Variants in KPNB1 observed in about 807,000 individuals in gnomAD.
KPNB1 encodes the protein karyopherin subunit beta 1.
Under a neutral mutation model 113.0 loss-of-function variants are expected in KPNB1, and 7 were observed. That is an observed-to-expected ratio of 0.06 (90% CI 0.04 to 0.12). KPNB1 has a LOEUF of 0.12. Ranked by LOEUF, KPNB1 falls within the 10% of genes least tolerant of loss-of-function variation. The pLI, the probability that KPNB1 is intolerant of heterozygous loss-of-function variation, is 1.00. For synonymous variants in KPNB1, 363 were observed against 378.6 expected, an observed-to-expected ratio of 0.96 and a Z score of 0.48; for missense variants, 400 against 1,054.8, an observed-to-expected ratio of 0.38 and a Z score of 8.60.
At chr17:47,659,346 C>CA (rs1169238660) in intron 5 of KPNB1, among the ~76,000 whole-genome samples, 5 of 150,254 alleles carry the variant, frequency 3.3e-5, no homozygotes, top group African/African-American at 4.9e-5. Context: ...AAGACTGTCT[C>CA]AAAAAAAATA....
chr17:47,676,566 C>CTTAT lies in KPNB1; in HGVS notation c.1995+76_1995+79dup, dbSNP rs3840883. The CTTAT allele has an allele frequency of 4.0e-5, 44 of 1,108,710 alleles. No homozygotes were observed. In the East Asian group the frequency reaches 1.0e-3, roughly 26 times the overall value. The allele number at this position is 1,108,710 out of a possible 1,614,324, so 68.7% of individuals were successfully genotyped here. On this transcript the variant is annotated intron_variant, in intron 16 of 21. Transcript: ENST00000290158. The stretch of plus-strand genomic sequence containing the variant: ...ACTGTAGTGCACGCAAAACCAGGTT[C>CTTAT]TTATAGCTTAAGTAGTTTTTCCTGA...
chr17:47,676,171 AT>A (rs1477105177), intron 15 of KPNB1, among the ~76,000 whole-genome samples: 1 of 152,150 alleles, frequency 6.6e-6, no homozygotes, highest in Non-Finnish European at 1.5e-5. Flanking sequence ...GTAAAGCCCT[AT>A]TCTGTGGACA....
At chr17:47,675,416 C>T (rs1274312674) in intron 15 of KPNB1, among the ~76,000 whole-genome samples, 4 of 97,296 alleles carry the variant, frequency 4.1e-5, no homozygotes, top group Admixed American at 3.7e-4. Flanking sequence ...TGTTCTGTTG[C>T]CCAGGATGGA....
At chr17:47,653,659 A>G (rs1275746114) in intron 3 of KPNB1, among the ~76,000 whole-genome samples, 2 of 152,234 alleles carry the variant, frequency 1.3e-5, no homozygotes, top group East Asian at 1.9e-4. Context: ...AGTGGAAACT[A>G]GTGGGGAATT....
At chr17:47,669,091 C>CTTTTCT (rs2030375864) in intron 10 of KPNB1, among the ~76,000 whole-genome samples, 1 of 147,854 alleles carries the variant, frequency 6.8e-6, no homozygotes, top group Non-Finnish European at 1.5e-5. Flanking sequence ...CTGAGTAATT[C>CTTTTCT]TTTTTTTTTT....
chr17:47,652,627 A>AT (rs1915612701), intron 2 of KPNB1, 67 bp from the exon 3 acceptor site: 1 of 1,349,734 alleles, frequency 7.4e-7, no homozygotes, highest in Non-Finnish European at 9.9e-7. Context: ...TCAGTGCTCT[A>AT]TAAATTATCC....
At chr17:47,668,666 C>G (rs1285542738) in intron 10 of KPNB1, among the ~76,000 whole-genome samples, 1 of 152,142 alleles carries the variant, frequency 6.6e-6, no homozygotes, top group Non-Finnish European at 1.5e-5. Context: ...CCACTCTTAA[C>G]TCTGTATTTA....
At chr17:47,678,021 C>T (rs771523953) in intron 17 of KPNB1, 25 bp from the exon 18 acceptor site, 2 of 1,601,968 alleles carry the variant, frequency 1.2e-6, no homozygotes, top group East Asian at 2.2e-5. Context: ...TGACTTAATT[C>T]ACTTTTCCTT....
chr17:47,661,473 G>A (rs1177795564), intron 6 of KPNB1, among the ~76,000 whole-genome samples: 5 of 152,030 alleles, frequency 3.3e-5, no homozygotes, highest in African/African-American at 9.7e-5. Context: ...GTGGTGGCAC[G>A]TGCCTGTAGT....
intron 3 of KPNB1, among the ~76,000 whole-genome samples, chr17:47,653,289 T>TTTTTTTC (rs1915630347): frequency 6.7e-6 from 1 of 149,954 alleles, no homozygotes. Flanking sequence ...TTTTTTTTTT[T>TTTTTTTC]TTTGGAGACA....
At position 47,654,952 on chromosome 17, in the gene KPNB1, C is replaced by T. The variant is rs369418868; in HGVS notation, c.283-1908C>T. Reference sequence around the variant, plus strand: ...CTCTGCTAGTCCTCGAGAGCAAAGCCTTTCATTTAACATCAATCAGAACTG... The same window carrying T: ...CTCTGCTAGTCCTCGAGAGCAAAGCTTTTCATTTAACATCAATCAGAACTG... On this transcript the variant is annotated intron_variant, in intron 3 of 21. Coordinates refer to ENST00000290158, the MANE Select transcript of KPNB1 (RefSeq NM_002265.6). Among the ~76,000 whole-genome samples the T allele has an allele frequency of 2.0e-5, 3 of 152,150 alleles. No individual in the cohort carries two copies. The East Asian group carries it at 5.8e-4, about 29-fold the overall frequency.
intron 3 of KPNB1, among the ~76,000 whole-genome samples, chr17:47,656,150 G>GA (rs2143096651): frequency 6.6e-6 from 1 of 152,206 alleles, no homozygotes. Context: ...GCTACTTGCT[G>GA]GGGGGAGCTA....
intron 2 of KPNB1, chr17:47,651,303 C>A: frequency 5.1e-6 from 5 of 985,312 alleles, no homozygotes; most frequent in Non-Finnish European, 6.0e-6. Flanking sequence ...TTAAGTTTCT[C>A]TTTGGTGTCC....
At position 47,675,361 on chromosome 17, in the gene KPNB1, G is replaced by GTTTTTTT. The variant is rs1166648701; in HGVS notation, c.1912+583_1912+589dup. On this transcript the variant is annotated intron_variant, in intron 15 of 21. Transcript: ENST00000290158. The stretch of plus-strand genomic sequence containing the variant: ...TGCAACGGAGATTGGCAGAGGTGTT[G>GTTTTTTT]TTTTTTTTTTGTTTTTTTTTTTTGT... Among the ~76,000 whole-genome samples the GTTTTTTT allele has an allele frequency of 9.6e-3, 853 of 88,458 alleles. 156 individuals carry two copies. Among genetic ancestry groups the GTTTTTTT allele is most frequent in the Non-Finnish European group, 0.013 (555 of 43,204 alleles). The allele number at this position is 88,458 out of a possible 152,430, so 58.0% of individuals were successfully genotyped here.
At chr17:47,664,442 A>G (rs962314799) in intron 8 of KPNB1, among the ~76,000 whole-genome samples, 173 bp downstream of exon 8, 3 of 152,142 alleles carry the variant, frequency 2.0e-5, no homozygotes, top group Admixed American at 6.6e-5. Context: ...CACATCAGTA[A>G]TGAGGGCTCA....
intron 15 of KPNB1, among the ~76,000 whole-genome samples, chr17:47,675,353 G>C (rs1191396290): frequency 7.8e-6 from 1 of 128,006 alleles, no homozygotes; most frequent in Non-Finnish European, 1.7e-5. Flanking sequence ...GAGATTGGCA[G>C]AGGTGTTGTT....
chr17:47,666,478 TTA>T (rs1467028915), intron 9 of KPNB1, among the ~76,000 whole-genome samples: 21 of 144,922 alleles, frequency 1.4e-4, no homozygotes, highest in African/African-American at 4.8e-4. Context: ...TTATATAATG[TTA>T]TATATTATAT....
intron 20 of KPNB1, 46 bp from the exon 21 acceptor site, chr17:47,680,462 G>A: frequency 6.2e-7 from 1 of 1,604,300 alleles, no homozygotes. Context: ...ACATTATACT[G>A]GTATGGGGCT....
intron 13 of KPNB1, among the ~76,000 whole-genome samples, 154 bp downstream of exon 13, chr17:47,673,319 C>G (rs2030504264): frequency 1.3e-5 from 2 of 152,174 alleles, no homozygotes; most frequent in Admixed American, 6.5e-5. Context: ...TGCACCTTAA[C>G]GTTAGCATTG....
Sources: allele counts gnomAD v4.1 joint callset (sites outside exome capture counted in the v4.1 genomes callset), GRCh38; gene constraint gnomAD v4.1.1; transcripts MANE v1.5; gene names NCBI Gene and HGNC (gene_info 2026-07-23, HGNC 2026-07-21).